Variants in GPC5 observed in about 807,000 individuals in gnomAD.
The protein encoded by GPC5 is glypican 5, also known as glypican-5.
A neutral mutation model predicts 53.9 loss-of-function variants in GPC5; 47 were observed. That is an observed-to-expected ratio of 0.87 (90% confidence interval 0.69 to 1.11). GPC5 has a LOEUF of 1.11. Among genes scored for constraint, GPC5 ranks in the 50% most tolerant of loss-of-function variants. GPC5 has a pLI of 0.00. For synonymous variants in GPC5, 286 were observed against 263.3 expected, an observed-to-expected ratio of 1.09 and a Z score of -0.84; for missense variants, 748 against 713.1, an observed-to-expected ratio of 1.05 and a Z score of -0.56.
At chr13:92,402,310 CAAT>C (rs1875594136) in intron 7 of GPC5, among the ~76,000 whole-genome samples, 1 of 152,090 alleles carries the variant, frequency 6.6e-6, no homozygotes, top group Non-Finnish European at 1.5e-5. Context: ...TGTTTTCAAA[CAAT>C]AATAACAAAC....
intron 5 of GPC5, among the ~76,000 whole-genome samples, chr13:91,899,323 C>T (rs1181784214): frequency 6.6e-6 from 1 of 151,830 alleles, no homozygotes; most frequent in African/African-American, 2.4e-5. Context: ...ATTTCCAAAG[C>T]TAATTATTTT....
chr13:92,045,407 G>A (rs1039997791), intron 6 of GPC5, among the ~76,000 whole-genome samples: 2 of 152,164 alleles, frequency 1.3e-5, no homozygotes, highest in Non-Finnish European at 2.9e-5. Context: ...TACCAAGGAA[G>A]AAGCTAAACA....
chr13:92,101,315 T>C (rs1594763223), intron 6 of GPC5, among the ~76,000 whole-genome samples: 2 of 152,316 alleles, frequency 1.3e-5, no homozygotes, highest in Middle Eastern at 3.4e-3. Flanking sequence ...CAAAATGATA[T>C]TTTATTTTCC....
intron 1 of GPC5, among the ~76,000 whole-genome samples, chr13:91,431,198 ATTAT>A (rs1452411791): frequency 1.3e-5 from 2 of 152,034 alleles, no homozygotes; most frequent in Non-Finnish European, 2.9e-5. Context: ...TTTTCAATAC[ATTAT>A]TTATTTCTGG....
intron 2 of GPC5, among the ~76,000 whole-genome samples, chr13:91,681,539 T>C (rs908641150): frequency 4.6e-5 from 7 of 152,236 alleles, no homozygotes; most frequent in African/African-American, 1.7e-4. Flanking sequence ...TTTCCCTGAA[T>C]TTAACTTCAC....
At position 92,022,247 on chromosome 13, in the gene GPC5, CGCCTT is replaced by C. The variant is rs201346528; in HGVS notation, c.1401+114192_1401+114196del. ...AACTCCTGACCTCAAGTGATACACC[CGCCTT>C]GGCATCCCAAAGTGCTAGGATTACA... On this transcript the variant is annotated intron_variant, in intron 6 of 7. Transcript: ENST00000377067. Among the ~76,000 whole-genome samples, 1,397 of 152,240 alleles carry C rather than the reference CGCCTT, an allele frequency of 9.2e-3. 22 individuals are homozygous for C. Among genetic ancestry groups the C allele is most frequent in the African/African-American group, 0.032 (1,342 of 41,544 alleles).
intron 1 of GPC5, among the ~76,000 whole-genome samples, chr13:91,405,760 T>G (rs187671722): frequency 5.1e-4 from 78 of 152,282 alleles, no homozygotes; most frequent in Admixed American, 1.9e-3. Flanking sequence ...TAATGTTCTC[T>G]TGTCAACCTA....
intron 2 of GPC5, among the ~76,000 whole-genome samples, chr13:91,505,175 A>G (rs1354175950): frequency 1.3e-5 from 2 of 152,222 alleles, no homozygotes; most frequent in Non-Finnish European, 2.9e-5. Flanking sequence ...CTGGAAAAAC[A>G]GATTGATAAA....
At chr13:91,538,142 A>G (rs1370652245) in intron 2 of GPC5, among the ~76,000 whole-genome samples, 4 of 152,238 alleles carry the variant, frequency 2.6e-5, no homozygotes, top group Admixed American at 2.0e-4. Context: ...GATTAGAGGT[A>G]TGACTTTTGG....
At chr13:92,437,349 A>G (rs1877348503) in intron 7 of GPC5, among the ~76,000 whole-genome samples, 1 of 152,142 alleles carries the variant, frequency 6.6e-6, no homozygotes, top group South Asian at 2.1e-4. Flanking sequence ...TTCTCTTACA[A>G]TAGACTTGTT....
At position 92,365,174 on chromosome 13, in the gene GPC5, C is replaced by T. The variant is rs1489281750; in HGVS notation, c.1561+220185C>T. 3.3e-5 allele frequency among the ~76,000 whole-genome samples: 5 copies of T among 151,836 alleles called. 1 individual carries two copies. The highest frequency in any genetic ancestry group is 7.3e-5 in the African/African-American group (3 of 41,110). On this transcript the variant is annotated intron_variant, in intron 7 of 7. Transcript: ENST00000377067. ...CAGACCTTGATGGTGTAGGGCACTA[C>T]GTACCCAGGCTGTGTGATATAGCCT...
chr13:92,152,622 C>T (rs2041915119), intron 7 of GPC5, among the ~76,000 whole-genome samples: 1 of 151,824 alleles, frequency 6.6e-6, no homozygotes, highest in Non-Finnish European at 1.5e-5. Context: ...GCCTGTAGCC[C>T]CAGCTACTCA....
At chr13:91,641,011 G>T (rs545671589) in intron 2 of GPC5, among the ~76,000 whole-genome samples, 44 of 152,252 alleles carry the variant, frequency 2.9e-4, no homozygotes, top group African/African-American at 1.0e-3. Context: ...ATTATCCTCA[G>T]CAAACTAACA....
intron 7 of GPC5, among the ~76,000 whole-genome samples, chr13:92,709,151 A>AT (rs957595024): frequency 6.6e-6 from 1 of 151,354 alleles, no homozygotes; most frequent in African/African-American, 2.4e-5. Flanking sequence ...GGTTCAAGTA[A>AT]TTCTCCTGCC....
chr13:91,892,256 A>G (rs942268893), intron 5 of GPC5, among the ~76,000 whole-genome samples: 3 of 151,922 alleles, frequency 2.0e-5, no homozygotes, highest in Non-Finnish European at 4.4e-5. Context: ...TTTTTCTCAT[A>G]AAAATGTATT....
At chr13:91,413,518 T>C (rs79854989) in intron 1 of GPC5, among the ~76,000 whole-genome samples, 9,188 of 152,336 alleles carry the variant, frequency 0.06, 354 homozygotes, top group Non-Finnish European at 0.084. Flanking sequence ...TTTGAATTCT[T>C]AAAAAAGATA....
chr13:92,094,533 A>C (rs1268133661), intron 6 of GPC5, among the ~76,000 whole-genome samples: 1 of 150,748 alleles, frequency 6.6e-6, no homozygotes, highest in Non-Finnish European at 1.5e-5. Context: ...AAAAAAAAAA[A>C]AAAAAAAAAA....
chr13:91,479,903 G>T (rs1417338130), intron 2 of GPC5, among the ~76,000 whole-genome samples: 1 of 151,758 alleles, frequency 6.6e-6, no homozygotes, highest in Non-Finnish European at 1.5e-5. Context: ...AAAATTTAAT[G>T]GTAAAAACTT....
At chr13:92,305,408 G>A (rs1036409463) in intron 7 of GPC5, among the ~76,000 whole-genome samples, 3 of 152,074 alleles carry the variant, frequency 2.0e-5, no homozygotes, top group African/African-American at 7.2e-5. Flanking sequence ...AAAACTGTGT[G>A]TTATAGTATA....
Sources: gnomAD v4.1 joint callset for allele counts (sites outside exome capture counted in the v4.1 genomes callset) on GRCh38, gnomAD v4.1.1 for gene constraint, MANE v1.5 for transcripts, NCBI Gene and HGNC (gene_info 2026-07-23, HGNC 2026-07-21) for gene names.